The following HEMK2 variants were observed in gnomAD, a reference collection of about 807,000 sequenced individuals.
HEMK2 encodes methyltransferase HEMK2.
the HEMK2 span, among the ~76,000 whole-genome samples, chr21:28,632,308 G>A: frequency 6.6e-6 from 1 of 152,156 alleles, no homozygotes; most frequent in Non-Finnish European, 1.5e-5. Flanking sequence ...GTGTGTCTTG[G>A]GTGGAACCCC....
the HEMK2 span, among the ~76,000 whole-genome samples, chr21:28,665,239 C>T: frequency 6.6e-6 from 1 of 150,598 alleles, no homozygotes; most frequent in Non-Finnish European, 1.5e-5. Flanking sequence ...CATCACTGCA[C>T]TCCAGCCTGG....
chr21:28,685,589 A>C, the HEMK2 span, among the ~76,000 whole-genome samples: 1 of 152,242 alleles, frequency 6.6e-6, no homozygotes, highest in African/African-American at 2.4e-5. Context: ...ATGCACACTT[A>C]GATTTCTAGT....
chr21:28,632,383 CAT>C, the HEMK2 span, among the ~76,000 whole-genome samples: 6 of 152,292 alleles, frequency 3.9e-5, no homozygotes, highest in South Asian at 2.1e-4. Context: ...TACTATGTCA[CAT>C]GTTTTTATCA....
At chr21:28,584,744 C>A in the HEMK2 span, among the ~76,000 whole-genome samples, 1 of 151,964 alleles carries the variant, frequency 6.6e-6, no homozygotes, top group Non-Finnish European at 1.5e-5. Flanking sequence ...TTGGAGACAA[C>A]CCTATGTAAA....
the HEMK2 span, among the ~76,000 whole-genome samples, chr21:28,717,312 G>A: frequency 6.6e-6 from 1 of 151,966 alleles, no homozygotes; most frequent in East Asian, 1.9e-4. Flanking sequence ...GGTATTACTG[G>A]TCTGCTCAGG....
chr21:28,812,417 T>C, the HEMK2 span, among the ~76,000 whole-genome samples: 3 of 152,204 alleles, frequency 2.0e-5, no homozygotes, highest in Non-Finnish European at 2.9e-5. Context: ...GTTTTTGTCA[T>C]TGGTTCTGTT....
chr21:28,868,732 G>A, the HEMK2 span, among the ~76,000 whole-genome samples: 1 of 152,186 alleles, frequency 6.6e-6, no homozygotes, highest in East Asian at 1.9e-4. Context: ...TCCTGTACAC[G>A]TTATATTTAT....
chr21:28,580,373 A>T, the HEMK2 span, among the ~76,000 whole-genome samples: 2 of 152,150 alleles, frequency 1.3e-5, no homozygotes, highest in African/African-American at 4.8e-5. Context: ...TTGGAAAAGG[A>T]ATGCAGCCTG....
At chr21:28,774,658 A>G in the HEMK2 span, among the ~76,000 whole-genome samples, 1 of 152,186 alleles carries the variant, frequency 6.6e-6, no homozygotes, top group African/African-American at 2.4e-5. Flanking sequence ...TGTAAATTAA[A>G]TTAGCAAATT....
At chr21:28,806,895 A>T in the HEMK2 span, among the ~76,000 whole-genome samples, 18 of 152,220 alleles carry the variant, frequency 1.2e-4, no homozygotes, top group Admixed American at 9.8e-4. Context: ...AGCCTCCATA[A>T]CTGTGAGACT....
chr21:28,775,041 A>G, the HEMK2 span, among the ~76,000 whole-genome samples: 1 of 152,226 alleles, frequency 6.6e-6, no homozygotes, highest in African/African-American at 2.4e-5. Flanking sequence ...ATAAGGAAGG[A>G]GGCCCTTCAG....
At chr21:28,603,759 G>A in the HEMK2 span, among the ~76,000 whole-genome samples, 3 of 152,284 alleles carry the variant, frequency 2.0e-5, no homozygotes, top group African/African-American at 7.2e-5. Context: ...CCCACAATGT[G>A]TTTAGTTTCG....
the HEMK2 span, among the ~76,000 whole-genome samples, chr21:28,604,761 G>C: frequency 6.6e-6 from 1 of 152,266 alleles, no homozygotes; most frequent in African/African-American, 2.4e-5. Context: ...TACCACTCTT[G>C]CCTCTCCAAA....
the HEMK2 span, among the ~76,000 whole-genome samples, chr21:28,867,543 T>C: frequency 3.3e-5 from 5 of 152,284 alleles, no homozygotes; most frequent in African/African-American, 9.6e-5. Flanking sequence ...CAACCCAAAT[T>C]AGTCTGCCAC....
chr21:28,621,954 C>A, the HEMK2 span, among the ~76,000 whole-genome samples: 1 of 152,078 alleles, frequency 6.6e-6, no homozygotes, highest in Non-Finnish European at 1.5e-5. Flanking sequence ...CTTTTTTTAT[C>A]TTTGTTGGTT....
the HEMK2 span, among the ~76,000 whole-genome samples, chr21:28,852,361 A>T: frequency 4.6e-5 from 7 of 152,170 alleles, no homozygotes; most frequent in African/African-American, 1.4e-4. Context: ...GTCCCGGGAC[A>T]CACTGGACCC....
chr21:28,632,903 T>G, the HEMK2 span, among the ~76,000 whole-genome samples: 2 of 152,314 alleles, frequency 1.3e-5, no homozygotes, highest in Admixed American at 6.5e-5. Flanking sequence ...GCAGACGCAG[T>G]GTAGACAGGT....
At chr21:28,845,230 C>T in the HEMK2 span, among the ~76,000 whole-genome samples, 1 of 152,072 alleles carries the variant, frequency 6.6e-6, no homozygotes, top group Non-Finnish European at 1.5e-5. Context: ...TCATTTCACA[C>T]TAAAATGAAC....
the HEMK2 span, among the ~76,000 whole-genome samples, chr21:28,859,061 A>T: frequency 0.074 from 11,332 of 152,188 alleles, 508 homozygotes; most frequent in African/African-American, 0.1. Flanking sequence ...CATTGCCCAA[A>T]GCTTTGTTCA....
Sources: allele counts gnomAD v4.1 joint callset (sites outside exome capture counted in the v4.1 genomes callset), GRCh38; gene constraint gnomAD v4.1.1; transcripts MANE v1.5; gene names NCBI Gene and HGNC (gene_info 2026-07-23, HGNC 2026-07-21).